Variants in BAIAP3 observed in about 807,000 individuals in gnomAD.
BAIAP3 encodes BAI1-associated protein 3.
A neutral mutation model predicts 149.7 loss-of-function variants in BAIAP3; 180 were observed. That is an observed-to-expected ratio of 1.20 (90% CI 1.07 to 1.36). BAIAP3 has a LOEUF of 1.36. BAIAP3 is among the 40% of genes most tolerant of loss of function. BAIAP3 has a pLI of 0.00. For missense variants in BAIAP3, 1,767 were observed against 1,563.4 expected, an observed-to-expected ratio of 1.13 and a Z score of -2.20; for synonymous variants, 845 against 670.7, an observed-to-expected ratio of 1.26 and a Z score of -4.02.
chr16:1,336,047 A>G (rs2033429658), intron 1 of BAIAP3: 2 of 176,636 alleles, frequency 1.1e-5, no homozygotes, highest in African/African-American at 4.8e-5. Flanking sequence ...ACATCTTGTT[A>G]TCACAAAGAC....
At position 1,346,530 on chromosome 16, in the gene BAIAP3, G is replaced by A. The variant is rs1374193524; in HGVS notation, c.2562+20G>A. On this transcript the variant is annotated intron_variant, in intron 26 of 33. Transcript: ENST00000426824. ...GATGAGGTGAGTGCCGGGGCGAGGGGCCGTGGAGGACTGTGTGTACTGGGG... is the reference window on the plus strand; with the variant it reads ...GATGAGGTGAGTGCCGGGGCGAGGGACCGTGGAGGACTGTGTGTACTGGGG... 1 of 1,600,638 alleles carries A rather than the reference G, an allele frequency of 6.2e-7. No individual in the cohort carries two copies.
chr16:1,347,288 C>A lies in BAIAP3; in HGVS notation c.2752-10C>A. The A allele has an allele frequency of 6.2e-7, 1 of 1,612,598 alleles. No individual in the cohort carries two copies. The highest frequency in any genetic ancestry group is 8.5e-7 in the Non-Finnish European group (1 of 1,179,726). On this transcript the variant is annotated splice_polypyrimidine_tract_variant and intron_variant, in intron 28 of 33. Transcript: ENST00000426824. ...CTCCCTGACACCTCTGCCTTCTTTCCCTGCCCCAGGCCCTGGTCAGTTTTT... is the reference window on the plus strand; with the variant it reads ...CTCCCTGACACCTCTGCCTTCTTTCACTGCCCCAGGCCCTGGTCAGTTTTT...
In BAIAP3 at chr16:1,347,933, C is replaced by T. The variant is rs756747374; in HGVS notation, c.3065C>T (p.Pro1022Leu). The T allele has an allele frequency of 3.9e-5, 63 of 1,612,018 alleles. No homozygotes were observed. The highest frequency in any genetic ancestry group is 2.2e-4 in the Admixed American group (13 of 60,000). ...DPFVIVELGP[P>L]HLFPLVRSQR... is the part of the protein sequence containing the mutation. The stretch of plus-strand genomic sequence containing the variant: ...TTTGTGATCGTGGAGCTGGGCCCAC[C>T]GCATCTCTTTCCACTGGTCCGCAGC... The change falls in exon 32 of 34, where the codon CCG becomes CTG. Residue 1022 changes from proline (P) to leucine (L), a missense_variant. Physicochemically the swap from Pro to Leu is moderately conservative, Grantham distance 98. Coordinates refer to ENST00000426824, the MANE Select transcript of BAIAP3 (RefSeq NM_001199097.2).
At chr16:1,345,398 AC>A in intron 22 of BAIAP3, 26 bp downstream of exon 22, 2 of 1,589,818 alleles carry the variant, frequency 1.3e-6, no homozygotes, top group Non-Finnish European at 1.7e-6. Flanking sequence ...GCCTGAGGAC[AC>A]TGGGGCTGGT....
chr16:1,334,808 G>C (rs1241698394), intron 1 of BAIAP3: 6 of 1,484,442 alleles, frequency 4.0e-6, no homozygotes, highest in East Asian at 2.5e-5. Flanking sequence ...TGGTGAAGGG[G>C]AGTCGGGGGG....
Position 1,345,757 on chromosome 16 carries a change from T to C in BAIAP3, c.2075T>C (p.Val692Ala). Reference protein sequence around the residue: ...GAVDMDTLEPVDASSRHSSSA... With the variant: ...GAVDMDTLEPADASSRHSSSA... ...CCCCTGCCTCCCTAGCTGGAGCCCGTGGACGCCTCCTCCAGGCACAGCAGC... is the reference window on the plus strand; with the variant it reads ...CCCCTGCCTCCCTAGCTGGAGCCCGCGGACGCCTCCTCCAGGCACAGCAGC... Residue 692 changes from valine (V) to alanine (A), a missense_variant, in exon 23 of 34, where the codon GTG becomes GCG. Physicochemically the swap from Val to Ala is moderately conservative, Grantham distance 64. Transcript: ENST00000426824. 6.7e-7 allele frequency: 1 copy of C among 1,501,970 alleles called. No individual in the cohort carries two copies. Among genetic ancestry groups the C allele is most frequent in the Non-Finnish European group, 8.9e-7 (1 of 1,127,640 alleles). The allele number at this position is 1,501,970 out of a possible 1,614,324, so 93.0% of individuals were successfully genotyped here.
chr16:1,347,859 TG>T (rs750977979), intron 31 of BAIAP3, 34 bp from the exon 32 acceptor site: 1 of 1,599,544 alleles, frequency 6.3e-7, no homozygotes, highest in Non-Finnish European at 8.5e-7. Context: ...GGTGGTGGGA[TG>T]GGGGCAGGGG....
At chr16:1,335,864 C>T (rs1029862027) in intron 1 of BAIAP3, among the ~76,000 whole-genome samples, 11 of 152,136 alleles carry the variant, frequency 7.2e-5, no homozygotes, top group African/African-American at 1.2e-4. Context: ...CTGCCGTCCC[C>T]AGCCCACTTG....
In BAIAP3 at chr16:1,348,411, A is replaced by G; in HGVS notation, c.3388A>G (p.Thr1130Ala). 1 of 1,612,696 alleles carries G rather than the reference A, an allele frequency of 6.2e-7. No individual in the cohort carries two copies. Among genetic ancestry groups the G allele is most frequent in the South Asian group, 1.1e-5 (1 of 91,056 alleles). ...RSALRRLEGR[T>A]SKEAQEFVKK... ...TGCGCTGAGGAGGCTGGAAGGCCGC[A>G]CCAGCAAGGAGGCGCAGGAGTTCGT... The change falls in exon 34 of 34, where the codon ACC becomes GCC. Residue 1130 changes from threonine (T) to alanine (A), a missense_variant. Transcript: ENST00000426824.
At chr16:1,337,387 G>C (rs544553288) in intron 1 of BAIAP3, among the ~76,000 whole-genome samples, 1 of 152,180 alleles carries the variant, frequency 6.6e-6, no homozygotes, top group South Asian at 2.1e-4. Context: ...GCTTGGTGGC[G>C]GGCGCCTGTA....
chr16:1,344,415 A>ACCACTT, intron 17 of BAIAP3, 54 bp from the exon 18 acceptor site: 27 of 1,606,784 alleles, frequency 1.7e-5, no homozygotes, highest in Middle Eastern at 3.3e-4. Context: ...TCTCTTGCCC[A>ACCACTT]CCTCTTCCTC....
Position 1,347,628 on chromosome 16 carries a change from A to T in BAIAP3, c.2904+3A>T, listed in dbSNP as rs374422203. 1.4e-5 allele frequency: 22 copies of T among 1,612,908 alleles called. No individual in the cohort carries two copies. Among genetic ancestry groups the T allele is most frequent in the Non-Finnish European group, 1.7e-5 (20 of 1,179,974 alleles). ...TCTACCTGGACAAGCTCAAACAGGTAGGGAGGCGCCAGGGACAGGGTGCTG... is the reference window on the plus strand; with the variant it reads ...TCTACCTGGACAAGCTCAAACAGGTTGGGAGGCGCCAGGGACAGGGTGCTG... On this transcript the variant is annotated splice_donor_region_variant and intron_variant, in intron 30 of 33. Transcript: ENST00000426824.
intron 15 of BAIAP3, among the ~76,000 whole-genome samples, 180 bp downstream of exon 15, chr16:1,343,693 G>A (rs746784546): frequency 6.6e-6 from 1 of 152,242 alleles, no homozygotes; most frequent in Non-Finnish European, 1.5e-5. Context: ...GAGACTCGTG[G>A]GAGTCACCTC....
At chr16:1,338,355 C>T (rs1335914754) in intron 1 of BAIAP3, among the ~76,000 whole-genome samples, 185 bp from the exon 2 acceptor site, 1 of 152,146 alleles carries the variant, frequency 6.6e-6, no homozygotes, top group South Asian at 2.1e-4. Context: ...AGCCGGTCAC[C>T]CAGCAGGTGT....
chr16:1,343,122 A>AG lies in BAIAP3; in HGVS notation c.1265+109dup, dbSNP rs1555448187. On this transcript the variant is annotated intron_variant, in intron 14 of 33. Coordinates refer to ENST00000426824, the MANE Select transcript of BAIAP3 (RefSeq NM_001199097.2). ...GATGTCGTGGCTGGGAGGGTGGGGCAGGGAAAGGGGCGGTGCTGAGTAGGT... is the reference window on the plus strand; with the variant it reads ...GATGTCGTGGCTGGGAGGGTGGGGCAGGGGAAAGGGGCGGTGCTGAGTAGGT... The AG allele has an allele frequency of 4.6e-6, 3 of 655,820 alleles. No homozygotes were observed. The East Asian group carries it at 1.2e-4, about 25-fold the overall frequency. 40.6% of individuals were successfully genotyped at this position (655,820 alleles called of 1,614,324 possible).
At chr16:1,333,938 G>C (rs1264572419) in intron 1 of BAIAP3, among the ~76,000 whole-genome samples, 189 bp downstream of exon 1, 2 of 152,104 alleles carry the variant, frequency 1.3e-5, no homozygotes, top group Admixed American at 1.3e-4. Flanking sequence ...AACTGAGGCC[G>C]CGCATGCTTG....
At chr16:1,344,192 G>T in intron 16 of BAIAP3, 35 bp from the exon 17 acceptor site, 1 of 1,612,566 alleles carries the variant, frequency 6.2e-7, no homozygotes. Flanking sequence ...CGGCTGGCAG[G>T]GCAGGCCCCA....
intron 1 of BAIAP3, among the ~76,000 whole-genome samples, chr16:1,333,981 G>C (rs944695321): frequency 1.3e-5 from 2 of 151,992 alleles, no homozygotes; most frequent in Admixed American, 6.5e-5. Flanking sequence ...TTTCCCCTCC[G>C]AACGCGCAGG....
Position 1,346,883 on chromosome 16 carries a change from C to T in BAIAP3, c.2679C>T (p.Ala893=), listed in dbSNP as rs1464783932. 1 of 1,609,546 alleles carries T rather than the reference C, an allele frequency of 6.2e-7. No homozygotes were observed. Among genetic ancestry groups the T allele is most frequent in the Non-Finnish European group, 8.5e-7 (1 of 1,179,114 alleles). ...LEALWELLLQ[A]ILQALGANRD... is the part of the protein sequence containing the mutation. ...CCCTGTGGGAGCTACTCCTCCAGGCCATTCTGCAGGCGCTGGGTGCAAACC... is the reference window on the plus strand; with the variant it reads ...CCCTGTGGGAGCTACTCCTCCAGGCTATTCTGCAGGCGCTGGGTGCAAACC... Residue 893 remains alanine, a synonymous_variant, in exon 28 of 34, where the codon GCC becomes GCT. Transcript: ENST00000426824.
Sources: allele counts gnomAD v4.1 joint callset (sites outside exome capture counted in the v4.1 genomes callset), GRCh38; gene constraint gnomAD v4.1.1; transcripts MANE v1.5; gene names NCBI Gene and HGNC (gene_info 2026-07-23, HGNC 2026-07-21).